Variants in EXOC4 observed in about 807,000 individuals in gnomAD.
The protein encoded by EXOC4 is SEC8-like 1.
EXOC4 carries 71 observed loss-of-function variants against 107.2 expected under a neutral mutation model. The observed-to-expected ratio is 0.66, with a 90% CI of 0.55 to 0.81. The LOEUF (loss-of-function observed/expected upper bound fraction) is 0.81, where lower values mean the gene tolerates loss of function less well. Ranked by LOEUF, EXOC4 falls within the 30% of genes least tolerant of loss-of-function variation. The probability of loss-of-function intolerance (pLI) is 0.00; values close to 1 mark genes in which losing one functional copy is unlikely to be tolerated. For synonymous variants in EXOC4, 456 were observed against 441.2 expected, an observed-to-expected ratio of 1.03 and a Z score of -0.42; for missense variants, 1,108 against 1,189.6, an observed-to-expected ratio of 0.93 and a Z score of 1.01.
At chr7:133,856,105 CATGGGCTTTGGA>C (rs1311600699) in intron 11 of EXOC4, among the ~76,000 whole-genome samples, 3 of 152,204 alleles carry the variant, frequency 2.0e-5, no homozygotes, top group African/African-American at 7.2e-5. Flanking sequence ...ATTAAAAGAG[CATGGGCTTTGGA>C]ATGAGACACA....
At chr7:133,421,329 G>T (rs1383899921) in intron 7 of EXOC4, among the ~76,000 whole-genome samples, 5 of 152,144 alleles carry the variant, frequency 3.3e-5, no homozygotes, top group Non-Finnish European at 7.4e-5. Context: ...TTCAGAGAAG[G>T]CATGGATGGC....
intron 9 of EXOC4, among the ~76,000 whole-genome samples, chr7:133,519,441 G>A (rs548624085): frequency 6.6e-6 from 1 of 151,920 alleles, no homozygotes; most frequent in South Asian, 2.1e-4. Flanking sequence ...GGAAGTATTA[G>A]TTACTCATTT....
At chr7:133,557,833 A>C (rs1800723882) in intron 9 of EXOC4, among the ~76,000 whole-genome samples, 1 of 152,172 alleles carries the variant, frequency 6.6e-6, no homozygotes, top group Admixed American at 6.5e-5. Flanking sequence ...TCTACTTAAA[A>C]TACAAAAATT....
intron 17 of EXOC4, among the ~76,000 whole-genome samples, chr7:134,015,865 C>G (rs1167498568): frequency 9.4e-6 from 1 of 106,144 alleles, no homozygotes; most frequent in South Asian, 3.7e-4. Context: ...CAGAGCAAGA[C>G]TCCGTCTCAA....
At chr7:133,665,383 C>A (rs967592884) in intron 10 of EXOC4, among the ~76,000 whole-genome samples, 1 of 152,156 alleles carries the variant, frequency 6.6e-6, no homozygotes, top group African/African-American at 2.4e-5. Context: ...GTTAATGGTG[C>A]TTATGTGGAT....
intron 8 of EXOC4, among the ~76,000 whole-genome samples, chr7:133,475,779 A>C (rs1798996542): frequency 2.0e-5 from 3 of 152,174 alleles, no homozygotes. Flanking sequence ...ATATGAAATG[A>C]AAGGAAATGA....
chr7:133,349,220 T>C (rs1795854409), intron 5 of EXOC4, among the ~76,000 whole-genome samples: 2 of 152,166 alleles, frequency 1.3e-5, no homozygotes, highest in Admixed American at 6.5e-5. Context: ...GTTAAATACA[T>C]TGATAGTGTT....
chr7:133,634,718 G>A (rs943362211), intron 10 of EXOC4, among the ~76,000 whole-genome samples: 2 of 152,120 alleles, frequency 1.3e-5, no homozygotes, highest in Non-Finnish European at 2.9e-5. Context: ...CTCCTAACAG[G>A]TGATCCGCCC....
chr7:134,026,520 G>A (rs539601552), intron 17 of EXOC4, among the ~76,000 whole-genome samples: 1 of 150,000 alleles, frequency 6.7e-6, no homozygotes, highest in South Asian at 2.1e-4. Context: ...CCAAAGAAGA[G>A]GGATAGATAC....
intron 6 of EXOC4, among the ~76,000 whole-genome samples, chr7:133,363,068 G>C (rs1379768442): frequency 6.6e-6 from 1 of 152,168 alleles, no homozygotes; most frequent in African/African-American, 2.4e-5. Flanking sequence ...AAGCAAGCGG[G>C]AAGCAAGTAA....
intron 10 of EXOC4, among the ~76,000 whole-genome samples, chr7:133,649,703 A>G (rs566514576): frequency 2.0e-5 from 3 of 152,172 alleles, no homozygotes; most frequent in African/African-American, 7.2e-5. Context: ...TTCACAAGAG[A>G]GTGCTCTCAG....
intron 9 of EXOC4, among the ~76,000 whole-genome samples, chr7:133,543,030 A>G (rs560832970): frequency 1.3e-5 from 2 of 152,310 alleles, no homozygotes; most frequent in South Asian, 2.1e-4. Flanking sequence ...TCCCACAAAC[A>G]TAACAGCTTG....
intron 14 of EXOC4, among the ~76,000 whole-genome samples, chr7:133,967,900 C>T (rs777074764): frequency 3.3e-5 from 5 of 152,188 alleles, no homozygotes; most frequent in South Asian, 4.2e-4. Context: ...TATTCTGTCT[C>T]GTTGATCTGT....
At chr7:133,369,951 T>G (rs1176787249) in intron 6 of EXOC4, among the ~76,000 whole-genome samples, 1 of 151,968 alleles carries the variant, frequency 6.6e-6, no homozygotes, top group East Asian at 1.9e-4. Flanking sequence ...ATTACAGGCA[T>G]GCACCATGAC....
intron 7 of EXOC4, among the ~76,000 whole-genome samples, chr7:133,416,038 A>G (rs1304885386): frequency 6.6e-6 from 1 of 152,212 alleles, no homozygotes; most frequent in Non-Finnish European, 1.5e-5. Context: ...AAATGTAGTT[A>G]AATAAAAAAC....
At chr7:133,906,695 C>T (rs1254065203) in intron 12 of EXOC4, among the ~76,000 whole-genome samples, 1 of 152,166 alleles carries the variant, frequency 6.6e-6, no homozygotes, top group Non-Finnish European at 1.5e-5. Context: ...TGTCCACTAC[C>T]GCTGTTTGCT....
chr7:133,610,673 G>A (rs926215348), intron 9 of EXOC4, among the ~76,000 whole-genome samples: 2 of 151,934 alleles, frequency 1.3e-5, no homozygotes, highest in Admixed American at 1.3e-4. Context: ...GCTTTCCTCT[G>A]AGGATTCAAC....
At chr7:133,257,979 ACT>A (rs912282367) in intron 1 of EXOC4, among the ~76,000 whole-genome samples, 10 of 152,130 alleles carry the variant, frequency 6.6e-5, no homozygotes, top group Non-Finnish European at 1.2e-4. Flanking sequence ...GAAAGTAGTC[ACT>A]CTGTTCTGAG....
chr7:133,904,768 C>T (rs1799530824), intron 12 of EXOC4, among the ~76,000 whole-genome samples: 1 of 152,228 alleles, frequency 6.6e-6, no homozygotes, highest in Admixed American at 6.5e-5. Flanking sequence ...AGGCACAACA[C>T]ATGCCCCCAC....
Sources: allele counts gnomAD v4.1 joint callset (sites outside exome capture counted in the v4.1 genomes callset), GRCh38; gene constraint gnomAD v4.1.1; transcripts MANE v1.5; gene names NCBI Gene and HGNC (gene_info 2026-07-23, HGNC 2026-07-21).